FAM184B: variants seen among roughly 807,000 people sequenced by gnomAD.
The protein encoded by FAM184B is protein FAM184B.
In FAM184B, 111 loss-of-function variants were observed where a neutral mutation model predicts 135.9. The ratio of observed to expected loss-of-function variants is 0.82; its 90% CI spans 0.70 to 0.96. The LOEUF is 0.96. FAM184B is among the 40% of genes least tolerant of loss of function. The probability of loss-of-function intolerance (pLI) is 0.00; values close to 1 mark genes in which losing one functional copy is unlikely to be tolerated. For missense variants in FAM184B, 1,375 were observed against 1,323.9 expected, an observed-to-expected ratio of 1.04 and a Z score of -0.60; for synonymous variants, 552 against 524.8, an observed-to-expected ratio of 1.05 and a Z score of -0.71.
At chr4:17,634,900 G>A in intron 16 of FAM184B, 109 bp downstream of exon 16, 2 of 630,746 alleles carry the variant, frequency 3.2e-6, no homozygotes, top group Non-Finnish European at 5.1e-6. Context: ...TTTTTCCAAT[G>A]AATATTTTTC....
At position 17,695,343 on chromosome 4, in the gene FAM184B, T is replaced by A. The variant is rs189171097; in HGVS notation, c.1378-1931A>T. Among the ~76,000 whole-genome samples the A allele has an allele frequency of 1.3e-3, 200 of 152,150 alleles. 1 individual carries two copies. Among genetic ancestry groups the A allele is most frequent in the African/African-American group, 4.7e-3 (197 of 41,502 alleles). On this transcript the variant is annotated intron_variant, in intron 5 of 17. Transcript: ENST00000265018. Reference sequence around the variant, plus strand: ...ATGCCCAGCTAATTTAAAAAAAAATTTTTTTAGAGATGGGGTCTTGCTATG... The same window carrying A: ...ATGCCCAGCTAATTTAAAAAAAAATATTTTTAGAGATGGGGTCTTGCTATG...
intron 1 of FAM184B, among the ~76,000 whole-genome samples, chr4:17,776,256 T>G (rs1222209797): frequency 6.6e-6 from 1 of 152,312 alleles, no homozygotes; most frequent in Non-Finnish European, 1.5e-5. Context: ...AAAGAAATAT[T>G]AACAAACCTA....
intron 1 of FAM184B, among the ~76,000 whole-genome samples, chr4:17,710,740 G>A (rs890210241): frequency 2.6e-5 from 4 of 152,198 alleles, no homozygotes; most frequent in Non-Finnish European, 4.4e-5. Context: ...ACAATGAGAA[G>A]CCCGGGAATG....
At chr4:17,713,458 C>CCA (rs1560183520) in intron 1 of FAM184B, among the ~76,000 whole-genome samples, 2 of 152,206 alleles carry the variant, frequency 1.3e-5, no homozygotes, top group Non-Finnish European at 2.9e-5. Context: ...CTAATGACTT[C>CCA]CATCCAAGAA....
intron 1 of FAM184B, among the ~76,000 whole-genome samples, chr4:17,734,990 A>T (rs1040482410): frequency 6.6e-6 from 1 of 152,264 alleles, no homozygotes; most frequent in African/African-American, 2.4e-5. Flanking sequence ...ACCATGGAAT[A>T]CTATGCAGCC....
chr4:17,685,196 C>G (rs1487063471), intron 7 of FAM184B, among the ~76,000 whole-genome samples: 1 of 119,354 alleles, frequency 8.4e-6, no homozygotes, highest in Non-Finnish European at 1.7e-5. Flanking sequence ...TACCCTGGAA[C>G]TTAAAAAAAA....
chr4:17,733,348 A>C (rs558275532), intron 1 of FAM184B, among the ~76,000 whole-genome samples: 29 of 152,266 alleles, frequency 1.9e-4, no homozygotes, highest in African/African-American at 6.5e-4. Flanking sequence ...GTAATCAGGC[A>C]GGAGACAGAA....
Position 17,707,740 on chromosome 4 carries a change from C to T in FAM184B, c.939G>A (p.Glu313=). Residue 313 remains glutamate (E), a synonymous_variant, in exon 3 of 18, where the codon GAG becomes GAA. Coordinates refer to ENST00000265018, the MANE Select transcript of FAM184B (RefSeq NM_015688.2). ...CAAGTTTTTTTGCAGTGCCTTTCAA[C>T]TCTGAATTCTCCTGTCGAGCCTCCT... ...QLKEARQENS[E]LKGTAKKLGE... 1 of 1,551,960 alleles carries T rather than the reference C, an allele frequency of 6.4e-7. No individual in the cohort carries two copies. The highest frequency in any genetic ancestry group is 1.4e-5 in the African/African-American group (1 of 73,182).
chr4:17,707,038 T>C (rs893742522), intron 3 of FAM184B, among the ~76,000 whole-genome samples: 5 of 152,180 alleles, frequency 3.3e-5, no homozygotes, highest in Non-Finnish European at 4.4e-5. Context: ...TCCACCTGCC[T>C]TGGCCTCCCA....
chr4:17,707,870 A>G, intron 2 of FAM184B, 86 bp from the exon 3 acceptor site: 1 of 1,477,786 alleles, frequency 6.8e-7, no homozygotes, highest in African/African-American at 1.4e-5. Flanking sequence ...TCAGACCTGA[A>G]AGGCGGGTAT....
chr4:17,720,631 T>C (rs1472141513), intron 1 of FAM184B, among the ~76,000 whole-genome samples: 1 of 152,030 alleles, frequency 6.6e-6, no homozygotes, highest in Non-Finnish European at 1.5e-5. Flanking sequence ...CTCATGTCTG[T>C]AATCCCAGCA....
intron 10 of FAM184B, among the ~76,000 whole-genome samples, chr4:17,654,792 G>A (rs1715743542): frequency 6.6e-6 from 1 of 152,218 alleles, no homozygotes; most frequent in Non-Finnish European, 1.5e-5. Flanking sequence ...ACCGGGGATA[G>A]CAATAGGGAA....
At chr4:17,768,324 G>T (rs1718742423) in intron 1 of FAM184B, among the ~76,000 whole-genome samples, 1 of 152,140 alleles carries the variant, frequency 6.6e-6, no homozygotes, top group Non-Finnish European at 1.5e-5. Context: ...GCCCAGACTG[G>T]GGTGCAGTGT....
chr4:17,652,312 G>A (rs1261498933), intron 11 of FAM184B, among the ~76,000 whole-genome samples: 2 of 151,632 alleles, frequency 1.3e-5, no homozygotes, highest in South Asian at 2.1e-4. Context: ...TTTTAGTAGA[G>A]ACGGGGTTTC....
chr4:17,670,532 C>T (rs1302146704), intron 7 of FAM184B, among the ~76,000 whole-genome samples: 6 of 152,156 alleles, frequency 3.9e-5, no homozygotes, highest in African/African-American at 1.2e-4. Context: ...ACTTTATTGA[C>T]CATGGCTATA....
At chr4:17,738,058 C>T (rs1313637367) in intron 1 of FAM184B, among the ~76,000 whole-genome samples, 1 of 152,090 alleles carries the variant, frequency 6.6e-6, no homozygotes, top group East Asian at 1.9e-4. Context: ...AGACCCTGAC[C>T]CTTGGTCACA....
chr4:17,764,930 G>T (rs944290294), intron 1 of FAM184B, among the ~76,000 whole-genome samples: 22 of 152,140 alleles, frequency 1.4e-4, no homozygotes, highest in African/African-American at 5.3e-4. Flanking sequence ...GCTGGGTGTG[G>T]TTGCACACAT....
intron 5 of FAM184B, among the ~76,000 whole-genome samples, chr4:17,694,070 T>G (rs1361013454): frequency 2.0e-5 from 3 of 152,120 alleles, no homozygotes; most frequent in Non-Finnish European, 2.9e-5. Context: ...GAAGGAACAT[T>G]CTGGGGACCA....
chr4:17,705,702 A>T, intron 4 of FAM184B, 50 bp downstream of exon 4: 1 of 1,546,352 alleles, frequency 6.5e-7, no homozygotes, highest in East Asian at 2.4e-5. Flanking sequence ...TATAATAGAT[A>T]GCAAAGCTCT....
Sources: gnomAD v4.1 joint callset for allele counts (sites outside exome capture counted in the v4.1 genomes callset) on GRCh38, gnomAD v4.1.1 for gene constraint, MANE v1.5 for transcripts, NCBI Gene and HGNC (gene_info 2026-07-23, HGNC 2026-07-21) for gene names.